Variants in PTPRD observed in about 807,000 individuals in gnomAD.
PTPRD encodes protein tyrosine phosphatase receptor type D.
PTPRD carries 34 observed loss-of-function variants against 214.5 expected under a neutral mutation model. That is an observed-to-expected ratio of 0.16 (90% CI 0.12 to 0.21). The LOEUF (loss-of-function observed/expected upper bound fraction) is 0.21, where lower values mean the gene tolerates loss of function less well. Among genes scored for constraint, PTPRD ranks in the 10% least tolerant of loss-of-function variants. The pLI is 1.00. For synonymous variants in PTPRD, 1,128 were observed against 845.7 expected, an observed-to-expected ratio of 1.33 and a Z score of -5.79; for missense variants, 2,545 against 2,398.7, an observed-to-expected ratio of 1.06 and a Z score of -1.27.
At chr9:8,600,804 G>T (rs950924253) in intron 14 of PTPRD, among the ~76,000 whole-genome samples, 1 of 151,936 alleles carries the variant, frequency 6.6e-6, no homozygotes. Flanking sequence ...TCAAACACAT[G>T]CTGGTTTCAG....
chr9:10,573,634 G>T lies in PTPRD; in HGVS notation c.-600+38764C>A, dbSNP rs756419575. On this transcript the variant is annotated intron_variant, in intron 2 of 45. Transcript: ENST00000381196. ...AGAAGACACAGATGCTAGGCTGAAGGGGGAGGAAGCTGGGAATCCTGCACG... is the reference window on the plus strand; with the variant it reads ...AGAAGACACAGATGCTAGGCTGAAGTGGGAGGAAGCTGGGAATCCTGCACG... Among the ~76,000 whole-genome samples the T allele has an allele frequency of 2.6e-5, 4 of 152,140 alleles. No homozygotes were observed. In the East Asian group the frequency reaches 7.7e-4, roughly 29 times the overall value.
intron 9 of PTPRD, among the ~76,000 whole-genome samples, chr9:9,203,548 T>G (rs2099943120): frequency 6.6e-6 from 1 of 152,182 alleles, no homozygotes; most frequent in South Asian, 2.1e-4. Context: ...TTTAATCTTC[T>G]ATCAGTCCCA....
chr9:8,536,846 G>A (rs2077081274), intron 14 of PTPRD, among the ~76,000 whole-genome samples: 1 of 151,990 alleles, frequency 6.6e-6, no homozygotes, highest in African/African-American at 2.4e-5. Flanking sequence ...TATCTGGACA[G>A]GGAGACAGAT....
chr9:9,198,891 G>A (rs560762913), intron 9 of PTPRD, among the ~76,000 whole-genome samples: 110 of 152,230 alleles, frequency 7.2e-4, no homozygotes, highest in South Asian at 5.0e-3. Flanking sequence ...CATTATGGAA[G>A]GTCTGCTTTT....
At chr9:9,792,375 G>C (rs779352705) in intron 5 of PTPRD, among the ~76,000 whole-genome samples, 3 of 152,150 alleles carry the variant, frequency 2.0e-5, no homozygotes, top group Non-Finnish European at 2.9e-5. Flanking sequence ...AAGGAAGCGA[G>C]AGTTTCATCT....
chr9:9,199,156 A>C (rs555959246), intron 9 of PTPRD, among the ~76,000 whole-genome samples: 1 of 152,290 alleles, frequency 6.6e-6, no homozygotes, highest in East Asian at 1.9e-4. Context: ...AAAAAAAAGA[A>C]AGAGGAGAGA....
chr9:9,151,436 G>T (rs949301545), intron 10 of PTPRD, among the ~76,000 whole-genome samples: 2 of 152,140 alleles, frequency 1.3e-5, no homozygotes, highest in South Asian at 2.1e-4. Context: ...ATGTCCCCCA[G>T]GCTGCAGGCA....
At chr9:8,702,854 G>T (rs1597414659) in intron 12 of PTPRD, among the ~76,000 whole-genome samples, 3 of 152,162 alleles carry the variant, frequency 2.0e-5, no homozygotes, top group Non-Finnish European at 4.4e-5. Context: ...TGATTCGCCC[G>T]CCTCGGCCTC....
At position 10,431,304 on chromosome 9, in the gene PTPRD, A is replaced by C. The variant is rs940640476; in HGVS notation, c.-599-90287T>G. Among the ~76,000 whole-genome samples the C allele has an allele frequency of 1.2e-4, 19 of 152,220 alleles. No individual in the cohort carries two copies. In the South Asian group the frequency reaches 2.7e-3, roughly 22 times the overall value. The stretch of plus-strand genomic sequence containing the variant: ...TCAATTCAAGATGGATTAAAGACTT[A>C]AACGTTAGACCTAAAACCATAAAAA... On this transcript the variant is annotated intron_variant, in intron 2 of 45. Transcript: ENST00000381196.
intron 3 of PTPRD, among the ~76,000 whole-genome samples, chr9:10,329,074 C>T (rs1337109243): frequency 6.6e-6 from 1 of 151,734 alleles, no homozygotes; most frequent in Admixed American, 6.6e-5. Flanking sequence ...GGAACACCAG[C>T]TTAATACATT....
At chr9:8,805,680 G>A (rs903140857) in intron 11 of PTPRD, among the ~76,000 whole-genome samples, 1 of 151,230 alleles carries the variant, frequency 6.6e-6, no homozygotes, top group South Asian at 2.1e-4. Flanking sequence ...TCGGCTCACA[G>A]CAACCTCCAC....
At chr9:10,539,003 G>T (rs1049218340) in intron 2 of PTPRD, among the ~76,000 whole-genome samples, 1 of 152,110 alleles carries the variant, frequency 6.6e-6, no homozygotes, top group Non-Finnish European at 1.5e-5. Flanking sequence ...AGGGAGTAAA[G>T]TTTTGGTAAT....
chr9:10,130,975 G>C (rs2098868887), intron 3 of PTPRD, among the ~76,000 whole-genome samples: 1 of 152,060 alleles, frequency 6.6e-6, no homozygotes, highest in Non-Finnish European at 1.5e-5. Flanking sequence ...GGAAAGAATA[G>C]ATCCCTAAAG....
chr9:9,300,548 G>A (rs1050472034), intron 9 of PTPRD, among the ~76,000 whole-genome samples: 6 of 151,752 alleles, frequency 4.0e-5, no homozygotes, highest in African/African-American at 7.2e-5. Flanking sequence ...TTGGTAGTAG[G>A]AGGTTGGGCT....
chr9:10,598,664 TTATA>T (rs151215633), intron 2 of PTPRD, among the ~76,000 whole-genome samples: 1,968 of 120,148 alleles, frequency 0.016, 35 homozygotes, highest in African/African-American at 0.053. Context: ...TGAACCATTT[TTATA>T]TATGTATGTG....
chr9:9,855,424 C>A (rs1382629320), intron 5 of PTPRD, among the ~76,000 whole-genome samples: 2 of 151,992 alleles, frequency 1.3e-5, no homozygotes, highest in African/African-American at 2.4e-5. Context: ...CATAGCTGAT[C>A]ATAAGAAACA....
intron 4 of PTPRD, among the ~76,000 whole-genome samples, chr9:9,967,778 GC>G (rs1180419523): frequency 6.6e-6 from 1 of 152,128 alleles, no homozygotes; most frequent in African/African-American, 2.4e-5. Context: ...CATTGAACAT[GC>G]GTAAAAAGTT....
At chr9:9,342,586 T>G (rs2047216891) in intron 9 of PTPRD, among the ~76,000 whole-genome samples, 1 of 152,182 alleles carries the variant, frequency 6.6e-6, no homozygotes, top group African/African-American at 2.4e-5. Flanking sequence ...GTACAGCCTT[T>G]TTGGGGATAC....
intron 2 of PTPRD, among the ~76,000 whole-genome samples, chr9:10,596,150 G>A (rs1049627969): frequency 6.6e-6 from 1 of 151,738 alleles, no homozygotes; most frequent in African/African-American, 2.4e-5. Flanking sequence ...ATGAGAAAAT[G>A]GCAGTTTTCT....
Sources: allele counts gnomAD v4.1 joint callset (sites outside exome capture counted in the v4.1 genomes callset), GRCh38; gene constraint gnomAD v4.1.1; transcripts MANE v1.5; gene names NCBI Gene and HGNC (gene_info 2026-07-23, HGNC 2026-07-21).